The following TNRC18 variants were observed in gnomAD, a reference collection of about 807,000 sequenced individuals.
The protein encoded by TNRC18 is trinucleotide repeat-containing gene 18 protein.
Under a neutral mutation model 226.7 loss-of-function variants are expected in TNRC18, and 69 were observed. That is an observed-to-expected ratio of 0.30 (90% CI 0.25 to 0.37). The LOEUF is 0.37. TNRC18 is among the 10% of genes least tolerant of loss of function. The probability of loss-of-function intolerance (pLI) is 1.00; values close to 1 mark genes in which losing one functional copy is unlikely to be tolerated. For missense variants in TNRC18, 4,754 were observed against 4,256.6 expected (o/e 1.12, Z -3.25); for synonymous variants, 2,449 against 1,927.6 (o/e 1.27, Z -7.09).
intron 5 of TNRC18, among the ~76,000 whole-genome samples, chr7:5,380,000 C>CAA (rs1779287501): frequency 6.6e-6 from 1 of 152,208 alleles, no homozygotes; most frequent in South Asian, 2.1e-4. Context: ...AGAAACTATC[C>CAA]TTCTGCTGGA....
At chr7:5,316,219 G>A in intron 24 of TNRC18, 147 bp from the exon 25 acceptor site, 1 of 498,208 alleles carries the variant, frequency 2.0e-6, no homozygotes, top group Non-Finnish European at 3.5e-6. Context: ...GTATACAGCG[G>A]CTCAGAATGT....
At chr7:5,362,580 C>A (rs1166324267) in intron 12 of TNRC18, 70 bp downstream of exon 12, 2 of 1,410,284 alleles carry the variant, frequency 1.4e-6, no homozygotes, top group Non-Finnish European at 1.9e-6. Context: ...GGCAGTAGGG[C>A]ACCTCCACAG....
At chr7:5,356,888 C>T in intron 16 of TNRC18, 28 bp downstream of exon 16, 1 of 1,501,022 alleles carries the variant, frequency 6.7e-7, no homozygotes, top group Non-Finnish European at 8.9e-7. Flanking sequence ...AGCAGCGGAC[C>T]AGAGGTGGCG....
At position 5,376,941 on chromosome 7, in the gene TNRC18, G is replaced by T; in HGVS notation, c.2514C>A (p.Gly838=). 1 of 1,596,896 alleles carries T rather than the reference G, an allele frequency of 6.3e-7. No homozygotes were observed. The highest frequency in any genetic ancestry group is 8.5e-7 in the Non-Finnish European group (1 of 1,172,058). ...HQGMAPAFPP[G]LGGSLPSAYQ... ...AGGCTGACGGGAGGGAGCCCCCCAG[G>T]CCAGGTGGGAACGCAGGGGCCATGC... The change falls in exon 8 of 30, where the codon GGC becomes GGA. Residue 838 remains glycine (G), a synonymous_variant. Coordinates refer to ENST00000430969, the MANE Select transcript of TNRC18 (RefSeq NM_001080495.3).
At chr7:5,395,438 C>T (rs1297924021) in intron 2 of TNRC18, among the ~76,000 whole-genome samples, 1 of 152,236 alleles carries the variant, frequency 6.6e-6, no homozygotes, top group Admixed American at 6.5e-5. Flanking sequence ...CCAGCCCCGC[C>T]ATGCCCCACG....
Position 5,312,485 on chromosome 7 carries a change from G to C in TNRC18, c.8388+18C>G. The C allele has an allele frequency of 1.2e-6, 2 of 1,608,026 alleles. No homozygotes were observed. On this transcript the variant is annotated intron_variant, in intron 27 of 29. Transcript: ENST00000430969. This position sits in a 1 kb window ranked among gnomAD's most constrained non-coding sequence, Gnocchi z 6.3. ...GGCCCCCGGCCCCTCGGCCGTGCCC[G>C]GGCGCGAGCTTGCTCACCTGGGTGG... is the stretch of plus-strand genomic sequence containing the variant.
intron 18 of TNRC18, among the ~76,000 whole-genome samples, chr7:5,343,125 G>C (rs1008508762): frequency 6.6e-6 from 1 of 152,122 alleles, no homozygotes; most frequent in African/African-American, 2.4e-5. Flanking sequence ...AGGCCGAGGC[G>C]GACAGATCAC....
At chr7:5,400,762 G>A (rs1053179459) in intron 2 of TNRC18, among the ~76,000 whole-genome samples, 3 of 152,192 alleles carry the variant, frequency 2.0e-5, no homozygotes, top group Non-Finnish European at 2.9e-5. Context: ...GCTGTAGCCT[G>A]GCGTGGTGGC....
chr7:5,321,312 G>A (rs1788332563), intron 21 of TNRC18, 122 bp from the exon 22 acceptor site: 3 of 657,790 alleles, frequency 4.6e-6, no homozygotes, highest in Admixed American at 4.9e-5. Flanking sequence ...TGGGCCTGTG[G>A]GGCTGAGACG....
rs1378970376 is a variant in TNRC18 at position 5,345,739 on chromosome 7, T to G, written c.5542A>C (p.Arg1848=). 3.9e-6 allele frequency: 6 copies of G among 1,548,440 alleles called. No homozygotes were observed. Among genetic ancestry groups the G allele is most frequent in the Non-Finnish European group, 5.2e-6 (6 of 1,146,816 alleles). Residue 1848 remains arginine (R), a synonymous_variant, in exon 18 of 30, where the codon AGG becomes CGG. Transcript: ENST00000430969. The part of the protein sequence containing the change: ...EEDEASGGGY[R]LGARERALSP... The stretch of plus-strand genomic sequence containing the variant: ...AGGGCCCGCTCCCGGGCACCCAGCC[T>G]GTAGCCACCACCGCTGGCCTCGTCC...
chr7:5,420,693 G>T (rs1162069513), intron 2 of TNRC18: 3 of 514,860 alleles, frequency 5.8e-6, no homozygotes, highest in South Asian at 4.6e-5. Context: ...CTCGGGGAGC[G>T]GGTGTCTCGC....
Position 5,388,664 on chromosome 7 carries a change from G to T in TNRC18, c.1160C>A (p.Pro387His). The change falls in exon 5 of 30, where the codon CCC (proline) becomes CAC (histidine). Residue 387 changes from proline to histidine, a missense_variant. By Grantham distance (77) the Pro-to-His change is moderately conservative. Transcript: ENST00000430969. The part of the protein sequence containing the change: ...SVEAFDERPG[P>H]IQIASQARDA... ...GCGCGCCTGGGATGCGATCTGGATG[G>T]GCCCCGGGCGCTCGTCGAAGGCCTC... The T allele has an allele frequency of 7.9e-7, 1 of 1,270,454 alleles. No individual in the cohort carries two copies. Among genetic ancestry groups the T allele is most frequent in the South Asian group, 2.1e-5 (1 of 48,406 alleles). The allele number at this position is 1,270,454 out of a possible 1,614,324, so 78.7% of individuals were successfully genotyped here.
chr7:5,328,805 C>T (rs1474433924), intron 19 of TNRC18, among the ~76,000 whole-genome samples: 4 of 151,950 alleles, frequency 2.6e-5, no homozygotes, highest in East Asian at 1.9e-4. Context: ...CCATTGCGCC[C>T]GGCTGAGACC....
intron 5 of TNRC18, among the ~76,000 whole-genome samples, chr7:5,385,101 T>C (rs982092089): frequency 5.3e-5 from 8 of 152,150 alleles, no homozygotes; most frequent in Non-Finnish European, 1.2e-4. Flanking sequence ...TGGGGAGACA[T>C]GGCTGTGCAG....
At chr7:5,419,662 G>A (rs1032117795) in intron 2 of TNRC18, among the ~76,000 whole-genome samples, 3 of 151,950 alleles carry the variant, frequency 2.0e-5, no homozygotes, top group African/African-American at 4.8e-5. Flanking sequence ...AGCTCCGGAG[G>A]GACACAAGCA....
chr7:5,350,970 G>A (rs1322884248), intron 17 of TNRC18, among the ~76,000 whole-genome samples: 4 of 152,182 alleles, frequency 2.6e-5, no homozygotes, highest in African/African-American at 9.7e-5. Flanking sequence ...GAGAAGACAA[G>A]TGTTTGTAAA....
chr7:5,315,761 T>G (rs1456635904), intron 25 of TNRC18, among the ~76,000 whole-genome samples, 195 bp downstream of exon 25: 1 of 152,236 alleles, frequency 6.6e-6, no homozygotes, highest in African/African-American at 2.4e-5. Flanking sequence ...CCTGGGCCAC[T>G]GGGCTTGTGC....
At chr7:5,405,493 C>T (rs958925050) in intron 2 of TNRC18, among the ~76,000 whole-genome samples, 2 of 151,736 alleles carry the variant, frequency 1.3e-5, no homozygotes, top group African/African-American at 4.8e-5. Context: ...CCCTTGAACC[C>T]GGGAGGCGGA....
In TNRC18 at chr7:5,317,350, G is replaced by A. The variant is rs557712189; in HGVS notation, c.6746-1278C>T. On this transcript the variant is annotated intron_variant, in intron 24 of 29. Transcript: ENST00000430969. ...CACGCCTGTAATCCCAGCACTTTGG[G>A]AGGCTGAGAGAAGCAGATCACCTGA... Among the ~76,000 whole-genome samples, 3 of 152,296 alleles carry A rather than the reference G, an allele frequency of 2.0e-5. No individual in the cohort carries two copies. In the South Asian group the frequency reaches 6.2e-4, roughly 32 times the overall value.
Sources: gnomAD v4.1 joint callset for allele counts (sites outside exome capture counted in the v4.1 genomes callset) on GRCh38, gnomAD v4.1.1 for gene constraint, Gnocchi (gnomAD v3.1) non-coding constraint, MANE v1.5 for transcripts, NCBI Gene and HGNC (gene_info 2026-07-23, HGNC 2026-07-21) for gene names.